Variants in FRMD4A observed in about 807,000 individuals in gnomAD.
FRMD4A encodes FERM domain containing 4A, also known as FERM domain-containing protein 4A.
Under a neutral mutation model 129.1 loss-of-function variants are expected in FRMD4A, and 29 were observed. The observed-to-expected ratio is 0.22, with a 90% confidence interval of 0.17 to 0.31. The LOEUF (loss-of-function observed/expected upper bound fraction) is 0.31. Ranked by LOEUF, FRMD4A falls within the 10% of genes least tolerant of loss-of-function variation. The pLI is 1.00. For synonymous variants in FRMD4A, 634 were observed against 571.6 expected (o/e 1.11, Z -1.56); for missense variants, 1,272 against 1,375.8 (o/e 0.92, Z 1.19).
intron 2 of FRMD4A, among the ~76,000 whole-genome samples, chr10:13,954,734 T>C (rs537532066): frequency 1.3e-5 from 2 of 152,304 alleles, no homozygotes; most frequent in African/African-American, 4.8e-5. Flanking sequence ...GGGGTCATCA[T>C]CACAGCCCTG....
At chr10:13,941,558 G>C (rs1016453111) in intron 2 of FRMD4A, among the ~76,000 whole-genome samples, 2 of 152,188 alleles carry the variant, frequency 1.3e-5, no homozygotes, top group Non-Finnish European at 2.9e-5. Context: ...GGTAAGAGAA[G>C]AGTCTCAGAT....
chr10:13,808,988 C>T (rs1166587181), intron 4 of FRMD4A, among the ~76,000 whole-genome samples: 3 of 151,922 alleles, frequency 2.0e-5, no homozygotes, highest in South Asian at 2.1e-4. Context: ...CACACACGCA[C>T]GCACACACGC....
chr10:14,070,741 T>C (rs1236182814), intron 2 of FRMD4A, among the ~76,000 whole-genome samples: 1 of 152,218 alleles, frequency 6.6e-6, no homozygotes, highest in Non-Finnish European at 1.5e-5. Flanking sequence ...GGTTGTGTGC[T>C]AGACATCATG....
chr10:14,112,777 C>T (rs186481473), intron 2 of FRMD4A, among the ~76,000 whole-genome samples: 163 of 152,320 alleles, frequency 1.1e-3, no homozygotes, highest in African/African-American at 3.4e-3. Context: ...CCGCCTTCCT[C>T]GGCCTCTCAA....
Position 14,300,502 on chromosome 10 carries a change from A to T in FRMD4A, c.45+29556T>A, listed in dbSNP as rs570721957. 1.1e-4 allele frequency among the ~76,000 whole-genome samples: 17 copies of T among 152,308 alleles called. No individual in the cohort carries two copies. In the South Asian group the frequency reaches 3.5e-3, roughly 32 times the overall value. On this transcript the variant is annotated intron_variant, in intron 2 of 24. Transcript: ENST00000357447. ...CTGTCATGAACTAGCAATTGATGTTATCTCTCTGGGTTTTCTCATCTGTAA... is the reference window on the plus strand; with the variant it reads ...CTGTCATGAACTAGCAATTGATGTTTTCTCTCTGGGTTTTCTCATCTGTAA...
intron 2 of FRMD4A, among the ~76,000 whole-genome samples, chr10:14,267,454 A>G (rs1279219195): frequency 6.6e-6 from 1 of 152,222 alleles, no homozygotes; most frequent in Non-Finnish European, 1.5e-5. Flanking sequence ...AGGAGAAAGC[A>G]AAGATGCCAG....
intron 2 of FRMD4A, among the ~76,000 whole-genome samples, chr10:14,289,376 G>T (rs1845780938): frequency 6.6e-6 from 1 of 152,102 alleles, no homozygotes; most frequent in Admixed American, 6.5e-5. Flanking sequence ...CTGATGATAA[G>T]TGATGTTGAG....
At chr10:14,095,090 A>G (rs1025797721) in intron 2 of FRMD4A, among the ~76,000 whole-genome samples, 4 of 152,140 alleles carry the variant, frequency 2.6e-5, no homozygotes, top group African/African-American at 4.8e-5. Context: ...TATTGATGTG[A>G]ATTGACTCTG....
chr10:14,067,181 T>A (rs986040645), intron 2 of FRMD4A, among the ~76,000 whole-genome samples: 3 of 151,868 alleles, frequency 2.0e-5, no homozygotes, highest in Non-Finnish European at 4.4e-5. Flanking sequence ...CTGGGCGTGG[T>A]GGCGGGTGCC....
chr10:13,938,593 T>C (rs1350720924), intron 2 of FRMD4A, among the ~76,000 whole-genome samples: 1 of 152,168 alleles, frequency 6.6e-6, no homozygotes, highest in African/African-American at 2.4e-5. Flanking sequence ...TTCTATTGCC[T>C]CAATAGAGTA....
At chr10:13,700,950 G>A (rs765752685) in intron 14 of FRMD4A, among the ~76,000 whole-genome samples, 5 of 144,816 alleles carry the variant, frequency 3.5e-5, no homozygotes, top group South Asian at 2.2e-4. Context: ...GTGTCTATTC[G>A]TTGAGAAAGA....
chr10:13,748,158 C>A (rs1475865841), intron 8 of FRMD4A, among the ~76,000 whole-genome samples: 3 of 152,020 alleles, frequency 2.0e-5, no homozygotes, highest in Non-Finnish European at 2.9e-5. Flanking sequence ...AAGAAGTGTC[C>A]CCAGGGGTCC....
intron 2 of FRMD4A, among the ~76,000 whole-genome samples, chr10:14,247,673 A>G (rs1214678879): frequency 6.6e-6 from 1 of 152,192 alleles, no homozygotes; most frequent in Non-Finnish European, 1.5e-5. Context: ...TTGGGAAATT[A>G]GCCCCTACAT....
chr10:13,683,268 T>C (rs1037720729), intron 15 of FRMD4A, among the ~76,000 whole-genome samples: 2 of 152,120 alleles, frequency 1.3e-5, no homozygotes, highest in South Asian at 2.1e-4. Context: ...CAGACCTGCC[T>C]GCCGGGAGGC....
Position 13,742,593 on chromosome 10 carries a change from T to G in FRMD4A, c.549-2016A>C, listed in dbSNP as rs2091071651. On this transcript the variant is annotated intron_variant, in intron 9 of 24. Transcript: ENST00000357447. ...GTGCAGTGGTATGATCCTGACTCAC[T>G]GCAACCTCCATCTCCCAAGTTCAAG... Among the ~76,000 whole-genome samples, 3 of 152,192 alleles carry G rather than the reference T, an allele frequency of 2.0e-5. No individual in the cohort carries two copies. In the South Asian group the frequency reaches 6.2e-4, roughly 31 times the overall value.
At chr10:13,940,248 C>T (rs182826827) in intron 2 of FRMD4A, among the ~76,000 whole-genome samples, 1,661 of 152,210 alleles carry the variant, frequency 0.011, 16 homozygotes, top group Non-Finnish European at 0.018. Context: ...TTGACTTCTT[C>T]AAGGTCACAG....
At chr10:14,138,469 G>A (rs1003951739) in intron 2 of FRMD4A, among the ~76,000 whole-genome samples, 1 of 152,098 alleles carries the variant, frequency 6.6e-6, no homozygotes, top group Non-Finnish European at 1.5e-5. Context: ...GTAGAAAATT[G>A]GGGGCCAAAG....
intron 2 of FRMD4A, among the ~76,000 whole-genome samples, chr10:13,953,610 G>A (rs2095388880): frequency 1.3e-5 from 2 of 152,138 alleles, no homozygotes; most frequent in Admixed American, 1.3e-4. Flanking sequence ...TTGGTTCCCA[G>A]ATCGACTGTC....
intron 2 of FRMD4A, among the ~76,000 whole-genome samples, chr10:14,112,799 T>C (rs1304361324): frequency 6.6e-6 from 1 of 152,256 alleles, no homozygotes; most frequent in Non-Finnish European, 1.5e-5. Flanking sequence ...GTGCTGGGAT[T>C]ACAGGCATGA....
Sources: gnomAD v4.1 joint callset for allele counts (sites outside exome capture counted in the v4.1 genomes callset) on GRCh38, gnomAD v4.1.1 for gene constraint, MANE v1.5 for transcripts, NCBI Gene and HGNC (gene_info 2026-07-23, HGNC 2026-07-21) for gene names.